SFMBT1: variants seen among roughly 807,000 people sequenced by gnomAD.
SFMBT1 encodes Scm like with four mbt domains 1, also known as scm-like with four MBT domains protein 1.
A neutral mutation model predicts 108.7 loss-of-function variants in SFMBT1; 32 were observed. The ratio of observed to expected loss-of-function variants is 0.29; its 90% CI spans 0.22 to 0.40. The LOEUF is 0.40. Among genes scored for constraint, SFMBT1 ranks in the 10% least tolerant of loss-of-function variants. SFMBT1 has a pLI of 1.00. For synonymous variants in SFMBT1, 348 were observed against 369.5 expected, an observed-to-expected ratio of 0.94 and a Z score of 0.67; for missense variants, 816 against 1,059.6, an observed-to-expected ratio of 0.77 and a Z score of 3.19.
At chr3:53,007,288 T>G (rs930037778) in intron 1 of SFMBT1, among the ~76,000 whole-genome samples, 3 of 152,064 alleles carry the variant, frequency 2.0e-5, no homozygotes, top group African/African-American at 7.2e-5. Context: ...AAAGGAAAAA[T>G]ATACAAAAAA....
intron 1 of SFMBT1, among the ~76,000 whole-genome samples, chr3:53,006,353 T>C (rs564643621): frequency 7.5e-4 from 114 of 152,202 alleles, no homozygotes; most frequent in South Asian, 1.9e-3. Context: ...AGTCCAGGCC[T>C]GGCGCGGTGG....
chr3:53,045,294 G>C (rs867434338), intron 1 of SFMBT1: 3 of 146,330 alleles, frequency 2.1e-5, no homozygotes, highest in South Asian at 2.1e-4. Flanking sequence ...CCGCGCGCCC[G>C]GCCCCAGCTG....
intron 10 of SFMBT1, among the ~76,000 whole-genome samples, chr3:52,924,597 G>A (rs539212249): frequency 2.2e-4 from 34 of 151,900 alleles, no homozygotes; most frequent in South Asian, 8.3e-4. Flanking sequence ...AGCTGAGATC[G>A]TACCACTACA....
intron 2 of SFMBT1, among the ~76,000 whole-genome samples, chr3:52,965,261 G>C (rs986212468): frequency 2.7e-5 from 4 of 149,946 alleles, no homozygotes; most frequent in African/African-American, 9.8e-5. Context: ...AGACAAGAAA[G>C]AATGAGTAAA....
rs1353551230 is a variant in SFMBT1, at chr3:53,035,379, T to C, written c.-131+10437A>G. 2.6e-5 allele frequency among the ~76,000 whole-genome samples: 4 copies of C among 152,146 alleles called. No individual in the cohort carries two copies. In the East Asian group the frequency reaches 5.8e-4, roughly 22 times the overall value. ...AAGCTCTACTTGGCCTCAGTGTAGC[T>C]GGATGGATGGGAGAGGTGGGGAAGG... On this transcript the variant is annotated intron_variant, in intron 1 of 20. Transcript: ENST00000394752.
At chr3:52,963,783 T>C (rs1704042945) in intron 2 of SFMBT1, among the ~76,000 whole-genome samples, 1 of 152,162 alleles carries the variant, frequency 6.6e-6, no homozygotes, top group South Asian at 2.1e-4. Flanking sequence ...ACTCTGACTA[T>C]AAACACCAGT....
At chr3:52,922,009 AG>A (rs1194957438) in intron 10 of SFMBT1, among the ~76,000 whole-genome samples, 178 bp from the exon 11 acceptor site, 1 of 152,170 alleles carries the variant, frequency 6.6e-6, no homozygotes, top group Non-Finnish European at 1.5e-5. Context: ...CTGGTGTTAT[AG>A]GAAGTATACA....
chr3:52,954,482 T>G, intron 2 of SFMBT1, 71 bp from the exon 3 acceptor site: 1 of 1,154,996 alleles, frequency 8.7e-7, no homozygotes, highest in Non-Finnish European at 1.3e-6. Flanking sequence ...AAATATAAAC[T>G]TAATAAACCT....
chr3:52,927,425 T>C (rs1702690132), intron 9 of SFMBT1, among the ~76,000 whole-genome samples: 1 of 152,226 alleles, frequency 6.6e-6, no homozygotes, highest in Non-Finnish European at 1.5e-5. Context: ...TCCAGCCCAG[T>C]GTTCCAGCAG....
chr3:52,908,044 C>T (rs1314232428), intron 17 of SFMBT1, among the ~76,000 whole-genome samples: 1 of 151,774 alleles, frequency 6.6e-6, no homozygotes, highest in Non-Finnish European at 1.5e-5. Flanking sequence ...TCTATGGAAC[C>T]ACACAGTAAG....
intron 1 of SFMBT1, among the ~76,000 whole-genome samples, chr3:52,997,939 ATAT>A (rs1698397372): frequency 6.6e-6 from 1 of 150,782 alleles, no homozygotes; most frequent in South Asian, 2.1e-4. Flanking sequence ...CCTTTAAACA[ATAT>A]TTTTTAAATT....
rs10668462 is a variant in SFMBT1, at chr3:53,030,683, CAAAAAAAAAA to C, written c.-131+15123_-131+15132del. 1.1e-4 allele frequency among the ~76,000 whole-genome samples: 9 copies of C among 82,760 alleles called. No homozygotes were observed. The South Asian group carries it at 5.7e-3, about 53-fold the overall frequency. The allele number at this position is 82,760 out of a possible 152,430, so 54.3% of individuals were successfully genotyped here. A position where few individuals can be genotyped will look rare whatever the true frequency, so the allele number is the denominator to read the frequency against. ...CAGTAACTTTCAACTGGCCATAATG[CAAAAAAAAAA>C]AAAAAAAAAAAAATCTACTTGCTTC... On this transcript the variant is annotated intron_variant, in intron 1 of 20. Coordinates refer to ENST00000394752, the MANE Select transcript of SFMBT1 (RefSeq NM_016329.4).
At chr3:52,921,567 G>C (rs1422717257) in intron 11 of SFMBT1, 138 bp downstream of exon 11, 4 of 906,052 alleles carry the variant, frequency 4.4e-6, no homozygotes, top group African/African-American at 3.4e-5. Flanking sequence ...ATTTCGCTTA[G>C]AGTCTTGCAT....
At chr3:52,944,649 A>G (rs1002756136) in intron 3 of SFMBT1, among the ~76,000 whole-genome samples, 4 of 151,888 alleles carry the variant, frequency 2.6e-5, no homozygotes, top group African/African-American at 9.7e-5. Context: ...CCTCCTGAGT[A>G]GTTGGGGTTA....
In SFMBT1 at chr3:52,966,516, T is replaced by G. The variant is rs571580744; in HGVS notation, c.28+2585A>C. Among the ~76,000 whole-genome samples, 19 of 146,548 alleles carry G rather than the reference T, an allele frequency of 1.3e-4. No individual in the cohort carries two copies. In the Admixed American group the frequency reaches 1.3e-3, roughly 10 times the overall value. Reference sequence around the variant, plus strand: ...GGTGGGCGCCTGTAGTCCCAGATACTTGGGAGGCTGAGGCAGGAGAATGGT... The same window carrying G: ...GGTGGGCGCCTGTAGTCCCAGATACGTGGGAGGCTGAGGCAGGAGAATGGT... On this transcript the variant is annotated intron_variant, in intron 2 of 20. Transcript: ENST00000394752.
At chr3:52,946,278 T>C (rs908364451) in intron 3 of SFMBT1, among the ~76,000 whole-genome samples, 2 of 152,240 alleles carry the variant, frequency 1.3e-5, no homozygotes, top group African/African-American at 4.8e-5. Context: ...CCACAGCCAC[T>C]GGAAAATGCA....
intron 1 of SFMBT1, among the ~76,000 whole-genome samples, chr3:53,025,868 G>A (rs1409829182): frequency 6.6e-6 from 1 of 152,152 alleles, no homozygotes; most frequent in Non-Finnish European, 1.5e-5. Context: ...CTACACGGAA[G>A]GCTGGAAAAC....
intron 1 of SFMBT1, among the ~76,000 whole-genome samples, chr3:53,039,850 A>ATG (rs1699980123): frequency 6.6e-6 from 1 of 152,252 alleles, no homozygotes; most frequent in South Asian, 2.1e-4. Context: ...TCCAGGATAC[A>ATG]TGTGCAGGAT....
intron 1 of SFMBT1, among the ~76,000 whole-genome samples, chr3:53,002,600 A>G (rs1698598395): frequency 6.7e-6 from 1 of 149,992 alleles, no homozygotes; most frequent in Non-Finnish European, 1.5e-5. Context: ...ATGAATAACG[A>G]GCAAAAGTTG....
Sources: allele counts gnomAD v4.1 joint callset (sites outside exome capture counted in the v4.1 genomes callset), GRCh38; gene constraint gnomAD v4.1.1; transcripts MANE v1.5; gene names NCBI Gene and HGNC (gene_info 2026-07-23, HGNC 2026-07-21).